The following STARD13 variants were observed in gnomAD, a reference collection of about 807,000 sequenced individuals.
The protein encoded by STARD13 is StAR related lipid transfer domain containing 13, also known as stAR-related lipid transfer protein 13.
STARD13 carries 62 observed loss-of-function variants against 106.4 expected under a neutral mutation model. That is an observed-to-expected ratio of 0.58 (90% CI 0.48 to 0.72). The LOEUF is 0.72. STARD13 is among the 30% of genes least tolerant of loss of function. The pLI is 0.00. For synonymous variants in STARD13, 565 were observed against 553.0 expected (o/e 1.02, Z -0.31); for missense variants, 1,387 against 1,424.0 (o/e 0.97, Z 0.42).
At chr13:33,277,297 C>G (rs1891495047) in intron 1 of STARD13, 1 of 152,080 alleles carries the variant, frequency 6.6e-6, no homozygotes, top group Non-Finnish European at 1.5e-5. Context: ...ATCTCTTTGC[C>G]AGCAGGAGGA....
At chr13:33,430,164 G>A in the STARD13 span, among the ~76,000 whole-genome samples, 3 of 152,270 alleles carry the variant, frequency 2.0e-5, no homozygotes, top group East Asian at 5.8e-4. Flanking sequence ...TGATCCACCC[G>A]CCTCGGCCTC....
At chr13:33,276,742 A>C (rs948943713) in intron 1 of STARD13, 3 of 152,146 alleles carry the variant, frequency 2.0e-5, no homozygotes, top group African/African-American at 7.2e-5. Flanking sequence ...CTGACATGTA[A>C]ATTAGGTACT....
At chr13:33,623,103 T>C in the STARD13 span, among the ~76,000 whole-genome samples, 11 of 151,616 alleles carry the variant, frequency 7.3e-5, no homozygotes, top group African/African-American at 2.7e-4. Flanking sequence ...ATCTCAAAAG[T>C]AAAATAAAAT....
the STARD13 span, chr13:33,656,875 T>G: frequency 6.6e-6 from 1 of 152,236 alleles, no homozygotes; most frequent in African/African-American, 2.4e-5. Context: ...GTACTGTCAG[T>G]AGAGCACCCT....
At chr13:33,113,465 G>A (rs923777519) in intron 8 of STARD13, 4 of 482,220 alleles carry the variant, frequency 8.3e-6, no homozygotes, top group African/African-American at 1.9e-5. Flanking sequence ...ACAATTCACC[G>A]GGAGTGGTGT....
At chr13:33,662,447 T>G in the STARD13 span, among the ~76,000 whole-genome samples, 1 of 152,200 alleles carries the variant, frequency 6.6e-6, no homozygotes, top group Non-Finnish European at 1.5e-5. Context: ...GCCACCGGAA[T>G]GGATATGTTA....
At chr13:33,163,747 C>CAT (rs1241799285) in intron 3 of STARD13, among the ~76,000 whole-genome samples, 37 of 122,858 alleles carry the variant, frequency 3.0e-4, no homozygotes, top group East Asian at 4.4e-4. Flanking sequence ...ATATATATAA[C>CAT]ATATATATAT....
chr13:33,246,974 G>T (rs2858137), intron 1 of STARD13, among the ~76,000 whole-genome samples: 1 of 151,632 alleles, frequency 6.6e-6, no homozygotes, highest in Non-Finnish European at 1.5e-5. Flanking sequence ...AGGCAGGTGG[G>T]TCGCCTGAGG....
the STARD13 span, among the ~76,000 whole-genome samples, chr13:33,587,328 G>A: frequency 6.6e-6 from 1 of 151,870 alleles, no homozygotes; most frequent in East Asian, 1.9e-4. Flanking sequence ...ATTATGTAAA[G>A]CCCCACATCT....
At chr13:33,489,432 T>A in the STARD13 span, among the ~76,000 whole-genome samples, 1 of 152,212 alleles carries the variant, frequency 6.6e-6, no homozygotes, top group Non-Finnish European at 1.5e-5. Context: ...TTCTATTTAG[T>A]TATAATAAAA....
intron 1 of STARD13, among the ~76,000 whole-genome samples, chr13:33,296,741 CCCAAGT>C (rs1892510999): frequency 6.6e-6 from 1 of 152,168 alleles, no homozygotes; most frequent in Non-Finnish European, 1.5e-5. Context: ...GCCTCAGCCT[CCCAAGT>C]AGCTGGGATT....
chr13:33,125,709 A>C (rs900362348), intron 7 of STARD13, among the ~76,000 whole-genome samples: 3 of 152,218 alleles, frequency 2.0e-5, no homozygotes, highest in African/African-American at 4.8e-5. Flanking sequence ...TTTTTCAAAA[A>C]TAATAGGGAT....
chr13:33,372,112 A>G, the STARD13 span, among the ~76,000 whole-genome samples: 1 of 152,236 alleles, frequency 6.6e-6, no homozygotes, highest in Non-Finnish European at 1.5e-5. Flanking sequence ...TACAAAAGCC[A>G]GAAAAAAGTT....
At chr13:33,201,539 G>A (rs2138095585) in intron 1 of STARD13, among the ~76,000 whole-genome samples, 1 of 152,274 alleles carries the variant, frequency 6.6e-6, no homozygotes, top group African/African-American at 2.4e-5. Flanking sequence ...TGAACAAGTA[G>A]ACTCAAATTT....
chr13:33,531,191 G>T, the STARD13 span, among the ~76,000 whole-genome samples: 1 of 152,152 alleles, frequency 6.6e-6, no homozygotes, highest in African/African-American at 2.4e-5. Flanking sequence ...CCTTCCACCA[G>T]GATGGTGAGG....
chr13:33,129,673 G>A lies in STARD13; in HGVS notation c.1004C>T (p.Pro335Leu), dbSNP rs1290656660. The change falls in exon 5 of 14, where the codon CCG (proline) becomes CTG (leucine). Residue 335 changes from proline to leucine, a missense_variant. Coordinates refer to ENST00000336934, the MANE Select transcript of STARD13 (RefSeq NM_178006.4). ...CSGKSSGESS[P>L]SEHSSSGVST... Reference sequence around the variant, plus strand: ...CACCCCGCTGCTGCTGTGCTCCGACGGGCTGCTCTCGCCACTCGACTTGCC... The same window carrying A: ...CACCCCGCTGCTGCTGTGCTCCGACAGGCTGCTCTCGCCACTCGACTTGCC... 4.3e-6 allele frequency: 7 copies of A among 1,613,906 alleles called. No homozygotes were observed. In the East Asian group the frequency reaches 8.9e-5, roughly 21 times the overall value.
the STARD13 span, among the ~76,000 whole-genome samples, chr13:33,513,396 C>T: frequency 6.6e-6 from 1 of 152,146 alleles, no homozygotes; most frequent in South Asian, 2.1e-4. Flanking sequence ...TGTTTATTTT[C>T]TCTCTTCCTG....
intron 1 of STARD13, among the ~76,000 whole-genome samples, chr13:33,309,965 A>AT (rs1187667797): frequency 1.3e-5 from 2 of 152,172 alleles, no homozygotes; most frequent in Non-Finnish European, 2.9e-5. Flanking sequence ...TCTCTGATTC[A>AT]TTTTTTACAA....
the STARD13 span, among the ~76,000 whole-genome samples, chr13:33,453,673 C>CA: frequency 7.2e-5 from 11 of 152,198 alleles, no homozygotes; most frequent in East Asian, 1.7e-3. Context: ...TATTATTGAC[C>CA]AAAACATAGT....
Sources: allele counts gnomAD v4.1 joint callset (sites outside exome capture counted in the v4.1 genomes callset), GRCh38; gene constraint gnomAD v4.1.1; transcripts MANE v1.5; gene names NCBI Gene and HGNC (gene_info 2026-07-23, HGNC 2026-07-21).